The following SLC22A5 variants were observed in gnomAD, a reference collection of about 807,000 sequenced individuals.
The protein encoded by SLC22A5 is organic cation/carnitine transporter 2.
In SLC22A5, 44 loss-of-function variants were observed where a neutral mutation model predicts 56.7. That is an observed-to-expected ratio of 0.78 (90% CI 0.61 to 1.00). The LOEUF is 1.00. Among genes scored for constraint, SLC22A5 ranks in the 50% least tolerant of loss-of-function variants. The probability of loss-of-function intolerance (pLI) is 0.00; values close to 1 mark genes in which losing one functional copy is unlikely to be tolerated. For synonymous variants in SLC22A5, 278 were observed against 292.1 expected (o/e 0.95, Z 0.49); for missense variants, 675 against 723.0 (o/e 0.93, Z 0.76).
chr5:132,371,262 G>A (rs774868063), intron 1 of SLC22A5, among the ~76,000 whole-genome samples: 1 of 152,170 alleles, frequency 6.6e-6, no homozygotes, highest in Admixed American at 6.5e-5. Context: ...ACGCCAGGCC[G>A]TCAGTTGTCA....
At chr5:132,390,272 C>A in intron 6 of SLC22A5, 1 of 327,722 alleles carries the variant, frequency 3.1e-6, no homozygotes, top group South Asian at 2.6e-5. Context: ...TTATCTTATC[C>A]CCCAAATCCT....
At position 132,394,484 on chromosome 5, in the gene SLC22A5, C is replaced by T; in HGVS notation, c.*212C>T. The T allele has an allele frequency of 3.3e-6, 2 of 601,236 alleles. No homozygotes were observed. Among genetic ancestry groups the T allele is most frequent in the Non-Finnish European group, 6.0e-6 (2 of 335,730 alleles). 37.2% of individuals were successfully genotyped at this position (601,236 alleles called of 1,614,324 possible). On this transcript the variant is annotated 3_prime_UTR_variant, in exon 10 of 10. Transcript: ENST00000245407. ...CCTCTAGGGACACTGGGGCTACCTA[C>T]AGACAACTTCATCTAAGTCCTAACT...
At chr5:132,385,264 TA>T in intron 3 of SLC22A5, 63 bp from the exon 4 acceptor site, 2 of 1,407,540 alleles carry the variant, frequency 1.4e-6, no homozygotes, top group Non-Finnish European at 1.0e-6. Flanking sequence ...AAAGATACCA[TA>T]AAAAATTAAT....
intron 2 of SLC22A5, 74 bp from the exon 3 acceptor site, chr5:132,384,073 A>C: frequency 8.2e-6 from 12 of 1,461,834 alleles, no homozygotes; most frequent in Non-Finnish European, 1.1e-5. Context: ...GATCTTGAGA[A>C]AGCCCCACTT....
At position 132,392,439 on chromosome 5, in the gene SLC22A5, A is replaced by G. The variant is rs772074935; in HGVS notation, c.1274A>G (p.Tyr425Cys). The change falls in exon 8 of 10, where the codon TAT (tyrosine) becomes TGT (cysteine). Residue 425 changes from tyrosine to cysteine, a missense_variant. Tyr to Cys is a radical substitution (Grantham distance 194). Coordinates refer to ENST00000245407, the MANE Select transcript of SLC22A5 (RefSeq NM_003060.4). ...LFMQLVPPDL[Y>C]YLATVLVMVG... ...CTTTCCTTTGCTTCTCCAGACTTGT[A>G]TTATTTGGCTACAGTCCTGGTGATG... The G allele has an allele frequency of 3.7e-6, 6 of 1,614,100 alleles. No individual in the cohort carries two copies. The highest frequency in any genetic ancestry group is 5.1e-6 in the Non-Finnish European group (6 of 1,179,982).
intron 2 of SLC22A5, 134 bp from the exon 3 acceptor site, chr5:132,384,013 C>A: frequency 2.3e-6 from 2 of 873,592 alleles, no homozygotes; most frequent in Non-Finnish European, 3.8e-6. Context: ...CCGAGACTGT[C>A]CCTGGCAGCC....
At chr5:132,392,088 A>G (rs996628587) in intron 7 of SLC22A5, among the ~76,000 whole-genome samples, 3 of 152,226 alleles carry the variant, frequency 2.0e-5, no homozygotes, top group Non-Finnish European at 4.4e-5. Flanking sequence ...TCATGAGTTA[A>G]TTCCATAGTG....
In SLC22A5 at chr5:132,395,334, G is replaced by A. The variant is rs138469584; in HGVS notation, c.*1062G>A. 475 of 152,496 alleles carry A rather than the reference G, an allele frequency of 3.1e-3. 2 individuals are homozygous for A. Among genetic ancestry groups the A allele is most frequent in the Non-Finnish European group, 2.4e-3 (162 of 68,008 alleles). 9.4% of individuals were successfully genotyped at this position (152,496 alleles called of 1,614,324 possible). On this transcript the variant is annotated 3_prime_UTR_variant, in exon 10 of 10. Transcript: ENST00000245407. ...AGTGCCAAAAACAGTGTCATTGTGT[G>A]TGTTCCTTTCTTGATACTTAGTCAT...
Position 132,388,971 on chromosome 5 carries a change from G to T in SLC22A5, c.1002G>T (p.Leu334=). Reference sequence around the variant, plus strand: ...AGCAGTCCCACAACATTCTGGATCTGCTTCGAACCTGGAATATCCGGATGG... The same window carrying T: ...AGCAGTCCCACAACATTCTGGATCTTCTTCGAACCTGGAATATCCGGATGG... The part of the protein sequence containing the change: ...KKQQSHNILD[L]LRTWNIRMVT... Residue 334 remains leucine, a synonymous_variant, in exon 6 of 10, where the codon CTG becomes CTT. Coordinates refer to ENST00000245407, the MANE Select transcript of SLC22A5 (RefSeq NM_003060.4). 6.2e-7 allele frequency: 1 copy of T among 1,614,008 alleles called. No individual in the cohort carries two copies. Among genetic ancestry groups the T allele is most frequent in the Non-Finnish European group, 8.5e-7 (1 of 1,179,878 alleles).
At chr5:132,380,819 A>G (rs1752320798) in intron 2 of SLC22A5, 1 of 151,972 alleles carries the variant, frequency 6.6e-6, no homozygotes, top group Admixed American at 6.6e-5. Context: ...AGCTGGCTGT[A>G]TGGATATGGT....
At position 132,385,410 on chromosome 5, in the gene SLC22A5, G is replaced by A. The variant is rs776910189; in HGVS notation, c.735G>A (p.Val245=). The change falls in exon 4 of 10, where the codon GTG becomes GTA. Residue 245 remains valine (V), a synonymous_variant. Coordinates refer to ENST00000245407, the MANE Select transcript of SLC22A5 (RefSeq NM_003060.4). ...TATTTTATGCATTTGGCTACATGGT[G>A]CTGCCACTGTTTGCTTACTTCATCC... The part of the protein sequence containing the change: ...VCIFYAFGYM[V]LPLFAYFIRD... The A allele has an allele frequency of 3.7e-6, 6 of 1,614,114 alleles. No homozygotes were observed. Among genetic ancestry groups the A allele is most frequent in the Middle Eastern group, 1.7e-4 (1 of 6,060 alleles).
At position 132,392,612 on chromosome 5, in the gene SLC22A5, C is replaced by G. The variant is rs760267592; in HGVS notation, c.1447C>G (p.Leu483Val). ...GSILSPYFVY[L>V]GAYDRFLPYI... Reference sequence around the variant, plus strand: ...CATCCTGTCTCCCTACTTCGTTTACCTTGGTAAGTCCCATGAGCCAAGGGC... The same window carrying G: ...CATCCTGTCTCCCTACTTCGTTTACGTTGGTAAGTCCCATGAGCCAAGGGC... The change falls in exon 8 of 10, where the codon CTT becomes GTT. Residue 483 changes from leucine to valine, a missense_variant. Physicochemically the swap from Leu to Val is conservative, Grantham distance 32 (BLOSUM62 1). Coordinates refer to ENST00000245407, the MANE Select transcript of SLC22A5 (RefSeq NM_003060.4). The G allele has an allele frequency of 6.2e-7, 1 of 1,613,844 alleles. No homozygotes were observed. Among genetic ancestry groups the G allele is most frequent in the South Asian group, 1.1e-5 (1 of 91,054 alleles).
intron 1 of SLC22A5, among the ~76,000 whole-genome samples, chr5:132,375,929 A>G (rs922465687): frequency 2.0e-5 from 3 of 152,218 alleles, no homozygotes; most frequent in Admixed American, 6.5e-5. Context: ...AGCCCATCCC[A>G]TGTGCCAGGC....
rs1751816937 is a variant in SLC22A5 at position 132,369,909 on chromosome 5, G to T, written c.-64G>T. 3.2e-6 allele frequency: 5 copies of T among 1,586,056 alleles called. No homozygotes were observed. The highest frequency in any genetic ancestry group is 2.7e-5 in the African/African-American group (2 of 74,072). ...CTGGTCGGCGGCGGGTGCCCCGCGC[G>T]CACGCGCAAAGCCCGCCGCGTTCCC... is the stretch of plus-strand genomic sequence containing the variant. On this transcript the variant is annotated 5_prime_UTR_variant, in exon 1 of 10. Coordinates refer to ENST00000245407, the MANE Select transcript of SLC22A5 (RefSeq NM_003060.4).
At position 132,390,710 on chromosome 5, in the gene SLC22A5, A is replaced by C. The variant is rs1266953756; in HGVS notation, c.1073A>C (p.Tyr358Ser). ...TTCAGGATGACCATATCAGTGGGCT[A>C]TTTTGGGCTTTCGCTTGATACTCCT... ...IMLWMTISVG[Y>S]FGLSLDTPNL... The change falls in exon 7 of 10, where the codon TAT becomes TCT. Residue 358 changes from tyrosine (Y) to serine (S), a missense_variant. By Grantham distance (144) the Tyr-to-Ser change is moderately radical. Coordinates refer to ENST00000245407, the MANE Select transcript of SLC22A5 (RefSeq NM_003060.4). The C allele has an allele frequency of 1.2e-6, 2 of 1,613,938 alleles. No individual in the cohort carries two copies. Among genetic ancestry groups the C allele is most frequent in the African/African-American group, 2.7e-5 (2 of 74,940 alleles).
In SLC22A5 at chr5:132,385,344, C is replaced by T. The variant is rs752652705; in HGVS notation, c.669C>T (p.Gly223=). 1 of 1,614,038 alleles carries T rather than the reference C, an allele frequency of 6.2e-7. No homozygotes were observed. The highest frequency in any genetic ancestry group is 1.3e-5 in the African/African-American group (1 of 75,038). The part of the protein sequence containing the change: ...AAFVLGTEIL[G]KSVRIIFSTL... ...TTTGAACAGGGACAGAAATTCTTGG[C>T]AAGTCAGTTCGTATAATATTCTCTA... Residue 223 remains glycine (G), a synonymous_variant, in exon 4 of 10, where the codon GGC becomes GGT. Coordinates refer to ENST00000245407, the MANE Select transcript of SLC22A5 (RefSeq NM_003060.4).
At chr5:132,385,608 G>A in intron 4 of SLC22A5, 109 bp downstream of exon 4, 2 of 877,436 alleles carry the variant, frequency 2.3e-6, no homozygotes, top group South Asian at 1.4e-5. Context: ...CCCAGAGACA[G>A]GAAGCATAGA....
intron 2 of SLC22A5, chr5:132,378,709 A>G (rs1245399825): frequency 1.8e-6 from 1 of 563,748 alleles, no homozygotes; most frequent in African/African-American, 1.9e-5. Context: ...AGCTGAATGT[A>G]TCTGTGACCC....
chr5:132,384,974 T>A (rs892610871), intron 3 of SLC22A5, among the ~76,000 whole-genome samples: 12 of 152,260 alleles, frequency 7.9e-5, no homozygotes, highest in African/African-American at 2.9e-4. Flanking sequence ...TAATATTCTT[T>A]CCTTGAGGCT....
Sources: allele counts gnomAD v4.1 joint callset (sites outside exome capture counted in the v4.1 genomes callset), GRCh38; gene constraint gnomAD v4.1.1; transcripts MANE v1.5; gene names NCBI Gene and HGNC (gene_info 2026-07-23, HGNC 2026-07-21).